The following NEB variants were observed in gnomAD, a reference collection of about 807,000 sequenced individuals.
NEB encodes the protein nebulin.
A neutral mutation model predicts 952.2 loss-of-function variants in NEB; 512 were observed. The ratio of observed to expected loss-of-function variants is 0.54; its 90% CI spans 0.50 to 0.58. NEB has a LOEUF of 0.58. Among genes scored for constraint, NEB ranks in the 20% least tolerant of loss-of-function variants. The pLI, the probability that NEB is intolerant of heterozygous loss-of-function variation, is 0.00. For synonymous variants in NEB, 2,900 were observed against 3,149.8 expected (o/e 0.92, Z 2.66); for missense variants, 8,428 against 9,231.1 (o/e 0.91, Z 3.56).
intron 140 of NEB, among the ~76,000 whole-genome samples, chr2:151,537,622 A>G (rs1418191928): frequency 1.3e-5 from 2 of 152,214 alleles, no homozygotes; most frequent in Non-Finnish European, 2.9e-5. Flanking sequence ...TAGATGATAT[A>G]TATCACTTCC....
At chr2:151,522,771 C>T (rs4338956) in intron 153 of NEB, among the ~76,000 whole-genome samples, 1,542 of 152,224 alleles carry the variant, frequency 0.01, 34 homozygotes, top group African/African-American at 0.035. Context: ...CTTAAGATGC[C>T]TCATCATAGG....
At position 151,570,639 on chromosome 2, in the gene NEB, A is replaced by G. The variant is rs1271688240; in HGVS notation, c.17014-38T>C. The G allele has an allele frequency of 2.6e-6, 4 of 1,542,882 alleles. No homozygotes were observed. In the Admixed American group the frequency reaches 7.8e-5, roughly 30 times the overall value. On this transcript the variant is annotated intron_variant, in intron 107 of 181. Transcript: ENST00000397345. The stretch of plus-strand genomic sequence containing the variant: ...AAAATAAGGTATCATCCTAGATTCA[A>G]ATTTGCCAATACCTTCAATGGCTCA...
intron 13 of NEB, 98 bp from the exon 14 acceptor site, chr2:151,697,746 A>C (rs1047544615): frequency 1.5e-5 from 12 of 809,296 alleles, no homozygotes; most frequent in Non-Finnish European, 2.1e-5. Flanking sequence ...GATGAAGAAA[A>C]GATATCGCCT....
intron 162 of NEB, 84 bp from the exon 163 acceptor site, chr2:151,507,097 A>G (rs1339833463): frequency 2.3e-6 from 2 of 851,132 alleles, no homozygotes; most frequent in African/African-American, 3.4e-5. Flanking sequence ...GAAGAAAATT[A>G]AAATCCTGTA....
At chr2:151,627,254 T>A in intron 69 of NEB, 49 bp from the exon 70 acceptor site, 1 of 1,564,730 alleles carries the variant, frequency 6.4e-7, no homozygotes, top group Non-Finnish European at 8.7e-7. Flanking sequence ...TGTTTTAACA[T>A]GATTTCAAAA....
At chr2:151,521,501 A>G (rs1281496489) in intron 153 of NEB, among the ~76,000 whole-genome samples, 1 of 152,270 alleles carries the variant, frequency 6.6e-6, no homozygotes, top group Non-Finnish European at 1.5e-5. Flanking sequence ...AGAAGTCCAT[A>G]AAACTAGGAG....
intron 73 of NEB, 107 bp from the exon 74 acceptor site, chr2:151,618,585 G>C: frequency 9.1e-7 from 1 of 1,104,428 alleles, no homozygotes; most frequent in Non-Finnish European, 1.3e-6. Flanking sequence ...AATAGTTAAG[G>C]TTCCTAGCAT....
chr2:151,710,593 G>T, intron 10 of NEB, 55 bp from the exon 11 acceptor site: 1 of 1,047,862 alleles, frequency 9.5e-7, no homozygotes, highest in Non-Finnish European at 1.4e-6. Flanking sequence ...TGACAAATAA[G>T]ACAGCAAATT....
chr2:151,526,695 G>A (rs764430624), intron 148 of NEB, among the ~76,000 whole-genome samples: 2 of 152,216 alleles, frequency 1.3e-5, no homozygotes, highest in Non-Finnish European at 2.9e-5. Context: ...CTCTGCTGGT[G>A]CAGTATAAAT....
intron 168 of NEB, among the ~76,000 whole-genome samples, 187 bp downstream of exon 168, chr2:151,501,204 G>GAA (rs1187780064): frequency 6.6e-6 from 1 of 152,170 alleles, no homozygotes; most frequent in East Asian, 1.9e-4. Context: ...GACTATTATA[G>GAA]AAAGTATAAA....
chr2:151,639,387 A>T lies in NEB; in HGVS notation c.8890-3T>A. ...TCCCAGGCTTCTGTGTATAAACGCTATCAAAAAAAATACACAAATTCATCA... is the reference window on the plus strand; with the variant it reads ...TCCCAGGCTTCTGTGTATAAACGCTTTCAAAAAAAATACACAAATTCATCA... On this transcript the variant is annotated splice_region_variant and splice_polypyrimidine_tract_variant and intron_variant, in intron 62 of 181. Coordinates refer to ENST00000397345, the MANE Select transcript of NEB (RefSeq NM_001164508.2). The T allele has an allele frequency of 6.6e-7, 1 of 1,516,720 alleles. No homozygotes were observed. The highest frequency in any genetic ancestry group is 1.3e-5 in the South Asian group (1 of 79,674). The allele number at this position is 1,516,720 out of a possible 1,614,324, so 94.0% of individuals were successfully genotyped here. A position where few individuals can be genotyped will look rare whatever the true frequency, so the allele number is the denominator to read the frequency against.
rs140937844 is a variant in NEB, at chr2:151,692,523, G to A, written c.1897-161C>T. On this transcript the variant is annotated intron_variant, in intron 20 of 181. Coordinates refer to ENST00000397345, the MANE Select transcript of NEB (RefSeq NM_001164508.2). ...AGAAAAGCAGAATAGATGTGGTAGA[G>A]GCTCATGCCTTATATAATCTCATCT... 503 of 681,294 alleles carry A rather than the reference G, an allele frequency of 7.4e-4. 7 individuals are homozygous for A. The East Asian group carries it at 0.012, about 17-fold the overall frequency. 42.2% of individuals were successfully genotyped at this position (681,294 alleles called of 1,614,324 possible). A position where few individuals can be genotyped will look rare whatever the true frequency, so the allele number is the denominator to read the frequency against.
chr2:151,675,246 G>T, intron 35 of NEB, 41 bp downstream of exon 35: 1 of 1,353,080 alleles, frequency 7.4e-7, no homozygotes. Context: ...TAATTTTATT[G>T]TCAGGTCCGA....
intron 141 of NEB, among the ~76,000 whole-genome samples, chr2:151,536,796 A>G (rs1031296754): frequency 2.0e-5 from 3 of 152,242 alleles, no homozygotes; most frequent in African/African-American, 7.2e-5. Context: ...GTCATACATT[A>G]TTTGTGGATT....
rs1453835986 is a variant in NEB, at chr2:151,725,506, T to C, written c.349A>G (p.Thr117Ala). The change falls in exon 6 of 182, where the codon ACA becomes GCA. Residue 117 changes from threonine (T) to alanine (A), a missense_variant. This residue lies in a region of NEB where 2,851 missense variants were observed against 2,791.5 expected (regional missense o/e 1.02). Transcript: ENST00000397345. ...ATTCTGCGAAGTTCTGGAGTATCTG[T>C]TGTGCTGGCGTATGGCTGTCCTTTT... Reference protein sequence around the residue: ...KTKGQPYASTTDTPELRRIKK... With the variant: ...KTKGQPYASTADTPELRRIKK... 1.9e-6 allele frequency: 3 copies of C among 1,613,690 alleles called. No homozygotes were observed. Among genetic ancestry groups the C allele is most frequent in the Admixed American group, 1.7e-5 (1 of 59,994 alleles).
At chr2:151,533,199 C>T (rs2092196434) in intron 143 of NEB, among the ~76,000 whole-genome samples, 1 of 152,206 alleles carries the variant, frequency 6.6e-6, no homozygotes, top group Non-Finnish European at 1.5e-5. Flanking sequence ...TTGGAAATAA[C>T]ACTTGAAAGA....
Position 151,496,419 on chromosome 2 carries a change from T to C in NEB, c.24394-51A>G, listed in dbSNP as rs1363235118. ...AAACAACCATGAGTAACATTTCATT[T>C]GTTGAGAGGTTTTAAGGGTAAGGTC... On this transcript the variant is annotated intron_variant, in intron 172 of 181. Transcript: ENST00000397345. 4 of 1,552,942 alleles carry C rather than the reference T, an allele frequency of 2.6e-6. No homozygotes were observed. The East Asian group carries it at 9.2e-5, about 36-fold the overall frequency.
At chr2:151,561,135 C>G in intron 122 of NEB, 27 bp from the exon 123 acceptor site, 2 of 1,561,168 alleles carry the variant, frequency 1.3e-6, no homozygotes, top group Non-Finnish European at 1.8e-6. Flanking sequence ...ATAGGTTATT[C>G]ACCTCTGTTG....
intron 75 of NEB, 23 bp downstream of exon 75, chr2:151,617,341 T>C (rs1366895115): frequency 6.7e-7 from 1 of 1,493,516 alleles, no homozygotes; most frequent in Non-Finnish European, 9.1e-7. Flanking sequence ...TTCTGTTCAT[T>C]ACAAGATCAA....
Sources: gnomAD v4.1 joint callset for allele counts (sites outside exome capture counted in the v4.1 genomes callset) on GRCh38, gnomAD v4.1.1 for gene constraint, gnomAD v4.1.1 regional missense constraint, MANE v1.5 for transcripts, NCBI Gene and HGNC (gene_info 2026-07-23, HGNC 2026-07-21) for gene names.